The following DGKZ variants were observed in gnomAD, a reference collection of about 807,000 sequenced individuals.
The protein encoded by DGKZ is diacylglycerol kinase zeta.
In DGKZ, 45 loss-of-function variants were observed where a neutral mutation model predicts 142.5. The ratio of observed to expected loss-of-function variants is 0.32; its 90% CI spans 0.25 to 0.40. DGKZ has a LOEUF of 0.40. DGKZ is among the 10% of genes least tolerant of loss of function. The pLI is 1.00. For missense variants in DGKZ, 755 were observed against 1,306.5 expected, an observed-to-expected ratio of 0.58 and a Z score of 6.51; for synonymous variants, 442 against 527.0, an observed-to-expected ratio of 0.84 and a Z score of 2.21.
rs1940861286 is a variant in DGKZ at position 46,347,893 on chromosome 11, CGGCCACTGGGGGTCCG to C, written c.161+81_161+96del. The C allele has an allele frequency of 7.9e-7, 1 of 1,265,282 alleles. No individual in the cohort carries two copies. Among genetic ancestry groups the C allele is most frequent in the Non-Finnish European group, 1.0e-6 (1 of 1,003,426 alleles). The allele number at this position is 1,265,282 out of a possible 1,614,324, so 78.4% of individuals were successfully genotyped here. Reference sequence around the variant, plus strand: ...CGCTCCCTCACCGGGGGACATTCCTCGGCCACTGGGGGTCCGGGCCACTTCGGTACTGACACTGAGT... The same window carrying C: ...CGCTCCCTCACCGGGGGACATTCCTCGGCCACTTCGGTACTGACACTGAGT... On this transcript the variant is annotated intron_variant, in intron 1 of 30. Coordinates refer to ENST00000527911, the Ensembl canonical transcript of DGKZ. The surrounding 1 kb of genome is among the most constrained non-coding windows in gnomAD (Gnocchi z 6.4).
intron 1 of DGKZ, among the ~76,000 whole-genome samples, chr11:46,348,086 CAT>C (rs1940892588): frequency 6.6e-6 from 1 of 152,134 alleles, no homozygotes. Flanking sequence ...TAGTGCGCCT[CAT>C]GTGTAGTACC....
chr11:46,363,225 C>T (rs1465193293), intron 1 of DGKZ, among the ~76,000 whole-genome samples: 1 of 152,188 alleles, frequency 6.6e-6, no homozygotes, highest in African/African-American at 2.4e-5. Flanking sequence ...GAGTCAGGCT[C>T]TTGCTGACCA....
At chr11:46,376,803 TA>T in intron 24 of DGKZ, 2 of 663,742 alleles carry the variant, frequency 3.0e-6, no homozygotes, top group Admixed American at 5.8e-5. Flanking sequence ...GCTGGGTGGG[TA>T]GGAGGGCCTG....
chr11:46,369,109 G>A (rs1375795072), intron 4 of DGKZ: 2 of 297,858 alleles, frequency 6.7e-6, no homozygotes, highest in African/African-American at 4.4e-5. Flanking sequence ...TCGGGAGGTG[G>A]AGGTTGCAGT....
intron 6 of DGKZ, 150 bp downstream of exon 6, chr11:46,370,159 C>T: frequency 6.5e-6 from 6 of 930,094 alleles, no homozygotes; most frequent in Non-Finnish European, 1.0e-5. Flanking sequence ...CTTCAGTTCT[C>T]AAGCACCCTG....
At chr11:46,376,719 C>T (rs775291390) in intron 24 of DGKZ, 155 bp downstream of exon 24, 64 of 1,004,416 alleles carry the variant, frequency 6.4e-5, no homozygotes, top group Non-Finnish European at 9.0e-5. Context: ...GGACAGCGTG[C>T]GGCCCTGCCC....
intron 1 of DGKZ, among the ~76,000 whole-genome samples, chr11:46,340,043 C>A (rs1407091548): frequency 6.6e-6 from 1 of 152,190 alleles, no homozygotes; most frequent in African/African-American, 2.4e-5. Context: ...GGCCACTGGG[C>A]CGCAGCTTAC....
chr11:46,366,410 T>C (rs1208861386), intron 1 of DGKZ: 2 of 1,532,194 alleles, frequency 1.3e-6, no homozygotes, highest in Non-Finnish European at 1.8e-6. Flanking sequence ...GCGGCGCCGC[T>C]CCAGCGCCCA....
rs1290635034 is a variant in DGKZ, at chr11:46,375,636, G to A, written c.1910+5G>A. The A allele has an allele frequency of 8.4e-6, 13 of 1,552,038 alleles. No individual in the cohort carries two copies. Among genetic ancestry groups the A allele is most frequent in the Admixed American group, 3.7e-5 (2 of 53,414 alleles). On this transcript the variant is annotated splice_donor_5th_base_variant and intron_variant, in intron 20 of 30. Coordinates refer to ENST00000527911, the Ensembl canonical transcript of DGKZ. ...CGCCGCCCCCCTGCACAGCGAGTACGTCCCACCCTGCCACGTGCCCTGGGT... is the reference window on the plus strand; with the variant it reads ...CGCCGCCCCCCTGCACAGCGAGTACATCCCACCCTGCCACGTGCCCTGGGT...
At chr11:46,379,148 G>A in intron 28 of DGKZ, 37 bp downstream of exon 28, 2 of 1,611,750 alleles carry the variant, frequency 1.2e-6, no homozygotes, top group Admixed American at 1.7e-5. Flanking sequence ...CTGGGGCCAA[G>A]GTGGGAGGAG....
chr11:46,348,865 C>T (rs1252349075), intron 1 of DGKZ, among the ~76,000 whole-genome samples: 2 of 152,170 alleles, frequency 1.3e-5, no homozygotes, highest in Non-Finnish European at 2.9e-5. Context: ...CAGCCAAGGA[C>T]CCCAGAGCCA....
exon 1 of DGKZ, chr11:46,333,311 G>T: frequency 1.5e-6 from 2 of 1,311,292 alleles, no homozygotes; most frequent in South Asian, 4.4e-5. Context: ...GGCAGCGCTG[G>T]GACTGGGCTG....
intron 1 of DGKZ, among the ~76,000 whole-genome samples, chr11:46,361,213 C>T (rs1942607708): frequency 6.6e-6 from 1 of 152,192 alleles, no homozygotes; most frequent in Non-Finnish European, 1.5e-5. Flanking sequence ...AAAACCTGTC[C>T]AGTGGGCGTG....
intron 1 of DGKZ, among the ~76,000 whole-genome samples, chr11:46,360,569 C>T (rs1186756710): frequency 2.0e-5 from 3 of 151,690 alleles, no homozygotes; most frequent in African/African-American, 4.8e-5. Flanking sequence ...GGGCGGATCA[C>T]GAGGTCAGGA....
intron 1 of DGKZ, among the ~76,000 whole-genome samples, chr11:46,357,731 G>A (rs1942199329): frequency 6.6e-6 from 1 of 152,238 alleles, no homozygotes; most frequent in Admixed American, 6.5e-5. Flanking sequence ...AAAGAAGCAG[G>A]CCTCCCAGGG....
At chr11:46,373,214 A>C (rs1282805899) in intron 14 of DGKZ, 113 bp downstream of exon 14, 7 of 1,201,594 alleles carry the variant, frequency 5.8e-6, no homozygotes, top group Non-Finnish European at 7.8e-6. Flanking sequence ...TCCAACTTCC[A>C]CTTCTTCCTT....
At chr11:46,365,532 A>G in intron 1 of DGKZ, 1 of 985,314 alleles carries the variant, frequency 1.0e-6, no homozygotes, top group Non-Finnish European at 1.2e-6. Flanking sequence ...CTCCCAGGAG[A>G]GCCAGACAGT....
At chr11:46,334,899 C>T (rs1211385014) in intron 1 of DGKZ, among the ~76,000 whole-genome samples, 1 of 152,210 alleles carries the variant, frequency 6.6e-6, no homozygotes. Context: ...TTTCTACTCT[C>T]AATTCTGCCA....
chr11:46,362,239 C>T (rs1942744559), intron 1 of DGKZ, among the ~76,000 whole-genome samples: 1 of 152,182 alleles, frequency 6.6e-6, no homozygotes, highest in Admixed American at 6.5e-5. Context: ...CGAGGCCCTG[C>T]CCAGGGTGTG....
Sources: gnomAD v4.1 joint callset for allele counts (sites outside exome capture counted in the v4.1 genomes callset) on GRCh38, gnomAD v4.1.1 for gene constraint, Gnocchi (gnomAD v3.1) non-coding constraint, MANE v1.5 for transcripts, NCBI Gene and HGNC (gene_info 2026-07-23, HGNC 2026-07-21) for gene names.